Variants in MCM4 observed in about 807,000 individuals in gnomAD.
The protein encoded by MCM4 is DNA replication licensing factor MCM4.
MCM4 carries 60 observed loss-of-function variants against 88.7 expected under a neutral mutation model. The ratio of observed to expected loss-of-function variants is 0.68; its 90% confidence interval spans 0.55 to 0.84. MCM4 has a LOEUF of 0.84. Among genes scored for constraint, MCM4 ranks in the 40% least tolerant of loss-of-function variants. The pLI is 0.00. For synonymous variants in MCM4, 465 were observed against 410.5 expected (o/e 1.13, Z -1.61); for missense variants, 1,149 against 1,105.5 (o/e 1.04, Z -0.56).
intron 13 of MCM4, among the ~76,000 whole-genome samples, chr8:47,972,100 C>T (rs992890749): frequency 5.6e-4 from 85 of 151,884 alleles, no homozygotes; most frequent in African/African-American, 1.8e-3. Flanking sequence ...GGCGTGGCGG[C>T]GCATGCCTGT....
chr8:47,969,451 G>GTTC (rs1208389766), intron 10 of MCM4: 1 of 235,528 alleles, frequency 4.2e-6, no homozygotes, highest in East Asian at 9.2e-5. Context: ...TAGAGACAGG[G>GTTC]TTCTCCTTGT....
intron 13 of MCM4, among the ~76,000 whole-genome samples, chr8:47,971,807 C>CT (rs1018076654): frequency 1.3e-5 from 2 of 152,174 alleles, no homozygotes; most frequent in Non-Finnish European, 2.9e-5. Context: ...AATCTTCACT[C>CT]TTGGCCCCAC....
chr8:47,964,483 TGTC>T, intron 7 of MCM4, 88 bp from the exon 8 acceptor site: 2 of 972,420 alleles, frequency 2.1e-6, no homozygotes, highest in Non-Finnish European at 3.0e-6. Context: ...CATGACATGT[TGTC>T]TTTTTATACT....
At chr8:47,961,036 G>T in intron 1 of MCM4, 22 bp downstream of exon 1, 1 of 1,205,662 alleles carries the variant, frequency 8.3e-7, no homozygotes, top group Non-Finnish European at 1.1e-6. Flanking sequence ...CCGGCGGGGA[G>T]GGCGTGGCGC....
At chr8:47,961,730 C>T (rs750332019) in intron 3 of MCM4, 50 bp downstream of exon 3, 2 of 1,549,548 alleles carry the variant, frequency 1.3e-6, no homozygotes, top group East Asian at 4.5e-5. Context: ...ACAGCTGATG[C>T]TTTATCTGCT....
At chr8:47,966,039 C>T (rs2090895068) in intron 8 of MCM4, 148 bp from the exon 9 acceptor site, 1 of 645,004 alleles carries the variant, frequency 1.6e-6, no homozygotes, top group Non-Finnish European at 2.8e-6. Flanking sequence ...GCTTGAGAGT[C>T]TCCTGAAGAC....
intron 14 of MCM4, 82 bp from the exon 15 acceptor site, chr8:47,974,652 C>A: frequency 9.4e-7 from 1 of 1,058,986 alleles, no homozygotes; most frequent in South Asian, 1.4e-5. Flanking sequence ...TAATGGAAGC[C>A]TAAGTGTTCA....
At chr8:47,963,888 T>C (rs1333610558) in intron 7 of MCM4, among the ~76,000 whole-genome samples, 1 of 152,210 alleles carries the variant, frequency 6.6e-6, no homozygotes, top group Non-Finnish European at 1.5e-5. Context: ...ATCTGTAAAA[T>C]GGGAACCATA....
At chr8:47,964,798 GAAGT>G in intron 8 of MCM4, 86 bp downstream of exon 8, 1 of 1,163,986 alleles carries the variant, frequency 8.6e-7, no homozygotes, top group Non-Finnish European at 1.2e-6. Flanking sequence ...AATTATGAAA[GAAGT>G]AATTGGCGGT....
Position 47,970,021 on chromosome 8 carries a change from G to T in MCM4, c.1398G>T (p.Leu466Phe). The change falls in exon 11 of 17, where the codon TTG (leucine) becomes TTT (phenylalanine). Residue 466 changes from leucine (L) to phenylalanine (F), a missense_variant. Transcript: ENST00000649973. The part of the protein sequence containing the change: ...PDIYERLASA[L>F]APSIYEHEDI... ...TTTATGAGAGGCTTGCTTCAGCCTT[G>T]GCTCCAAGCATTTATGAACATGAAG... is the stretch of plus-strand genomic sequence containing the variant. The T allele has an allele frequency of 6.2e-7, 1 of 1,614,114 alleles. No homozygotes were observed. Among genetic ancestry groups the T allele is most frequent in the Non-Finnish European group, 8.5e-7 (1 of 1,179,996 alleles).
chr8:47,963,142 A>G (rs2090862887), intron 7 of MCM4, 102 bp downstream of exon 7: 2 of 671,796 alleles, frequency 3.0e-6, no homozygotes, highest in South Asian at 3.9e-5. Flanking sequence ...ATGCGCAAAC[A>G]CTTTAAGAAA....
rs1011075481 is a variant in MCM4, at chr8:47,964,719, T to C, written c.832+7T>C. 5.2e-6 allele frequency: 8 copies of C among 1,536,678 alleles called. No individual in the cohort carries two copies. Among genetic ancestry groups the C allele is most frequent in the Non-Finnish European group, 7.0e-6 (8 of 1,145,804 alleles). ...AGAAACCTGAATCCAGAAGGTAATGTATTTTTCATAGGATTACTTTTGTTG... is the reference window on the plus strand; with the variant it reads ...AGAAACCTGAATCCAGAAGGTAATGCATTTTTCATAGGATTACTTTTGTTG... On this transcript the variant is annotated splice_region_variant and intron_variant, in intron 8 of 16. Transcript: ENST00000649973.
At chr8:47,975,319 TCCCTCCC>T (rs1479124839) in intron 15 of MCM4, 4 of 138,712 alleles carry the variant, frequency 2.9e-5, no homozygotes, top group African/African-American at 1.0e-4. Flanking sequence ...CCAAATGCTA[TCCCTCCC>T]CCCTCCCCCC....
chr8:47,970,792 T>C lies in MCM4; in HGVS notation c.1716T>C (p.Cys572=). The change falls in exon 12 of 17, where the codon TGT becomes TGC. Residue 572 remains cysteine, a synonymous_variant. Coordinates refer to ENST00000649973, the MANE Select transcript of MCM4 (RefSeq NM_182746.3). ...ALVLSDNGIC[C]IDEFDKMNES... ...TCCTGAGTGACAACGGCATCTGCTG[T>C]ATCGATGAGTTCGACAAGATGAATG... is the stretch of plus-strand genomic sequence containing the variant. The C allele has an allele frequency of 6.2e-7, 1 of 1,614,178 alleles. No homozygotes were observed. The highest frequency in any genetic ancestry group is 8.5e-7 in the Non-Finnish European group (1 of 1,180,000).
intron 4 of MCM4, 36 bp downstream of exon 4, chr8:47,962,252 G>C (rs375756300): frequency 6.2e-7 from 1 of 1,613,898 alleles, no homozygotes; most frequent in African/African-American, 1.3e-5. Context: ...TCTTATGGCG[G>C]GTATCATGTG....
intron 8 of MCM4, among the ~76,000 whole-genome samples, chr8:47,965,688 A>G (rs1039079493): frequency 4.6e-5 from 7 of 152,218 alleles, no homozygotes; most frequent in African/African-American, 1.4e-4. Context: ...CAGAGCATCT[A>G]AGGGGTTCTC....
In MCM4 at chr8:47,961,008, T is replaced by A; in HGVS notation, c.-21T>A. The A allele has an allele frequency of 1.0e-6, 1 of 960,916 alleles. No homozygotes were observed. The highest frequency in any genetic ancestry group is 1.4e-6 in the Non-Finnish European group (1 of 696,292). 59.5% of individuals were successfully genotyped at this position (960,916 alleles called of 1,614,324 possible). On this transcript the variant is annotated 5_prime_UTR_variant, in exon 1 of 17. Coordinates refer to ENST00000649973, the MANE Select transcript of MCM4 (RefSeq NM_182746.3). ...GAGCGTCGTCGGCAAGCGGCCGCCT[T>A]TCCACGGTAACCGCGCGCCGGCGGG...
At chr8:47,971,937 T>A (rs2090956431) in intron 13 of MCM4, among the ~76,000 whole-genome samples, 1 of 151,972 alleles carries the variant, frequency 6.6e-6, no homozygotes, top group African/African-American at 2.4e-5. Context: ...TTCATTCAAA[T>A]CTTTCCATTG....
chr8:47,969,477 C>T (rs574975373), intron 10 of MCM4: 43 of 293,812 alleles, frequency 1.5e-4, no homozygotes, highest in Admixed American at 6.9e-4. Flanking sequence ...AGGGTGGTCT[C>T]GAACTCCCAA....
Sources: gnomAD v4.1 joint callset for allele counts (sites outside exome capture counted in the v4.1 genomes callset) on GRCh38, gnomAD v4.1.1 for gene constraint, MANE v1.5 for transcripts, NCBI Gene and HGNC (gene_info 2026-07-23, HGNC 2026-07-21) for gene names.